Variants in DOCK8 observed in about 807,000 individuals in gnomAD.
DOCK8 encodes dedicator of cytokinesis protein 8.
A neutral mutation model predicts 245.6 loss-of-function variants in DOCK8; 141 were observed. The observed-to-expected ratio is 0.57, with a 90% confidence interval of 0.50 to 0.66. The LOEUF (loss-of-function observed/expected upper bound fraction) is 0.66, where lower values mean the gene tolerates loss of function less well. DOCK8 is among the 30% of genes least tolerant of loss of function. DOCK8 has a pLI of 0.00. For missense variants in DOCK8, 2,965 were observed against 2,603.4 expected (o/e 1.14, Z -3.02); for synonymous variants, 1,168 against 970.2 (o/e 1.20, Z -3.79).
chr9:416,074 G>A (rs1288615060), intron 29 of DOCK8, among the ~76,000 whole-genome samples: 2 of 152,152 alleles, frequency 1.3e-5, no homozygotes, highest in Non-Finnish European at 2.9e-5. Context: ...CTAGCAAACT[G>A]CTAATGGAGT....
chr9:234,293 T>A (rs963153291), intron 1 of DOCK8, among the ~76,000 whole-genome samples: 1 of 152,232 alleles, frequency 6.6e-6, no homozygotes, highest in African/African-American at 2.4e-5. Context: ...CTTCCCTTTG[T>A]GGGTAACCCG....
At chr9:285,726 C>G (rs1586598429) in intron 2 of DOCK8, among the ~76,000 whole-genome samples, 1 of 152,064 alleles carries the variant, frequency 6.6e-6, no homozygotes. Flanking sequence ...CTTTTACTCC[C>G]CCTCTTTCCA....
rs141986056 is a variant in DOCK8 at position 339,115 on chromosome 9, C to G, written c.1516+16C>G. The G allele has an allele frequency of 6.9e-4, 1,114 of 1,606,482 alleles. 5 individuals are homozygous for G. The African/African-American group carries it at 7.4e-3, about 11-fold the overall frequency. On this transcript the variant is annotated intron_variant, in intron 13 of 47. Transcript: ENST00000432829. ...TCAATTCCAGGTGTGAATGACTTAT[C>G]TTTATCCTCTTTAGCTGTGCCAAAA... is the stretch of plus-strand genomic sequence containing the variant.
Position 428,137 on chromosome 9 carries a change from A to G in DOCK8, c.4339-225A>G, listed in dbSNP as rs574980121. On this transcript the variant is annotated intron_variant, in intron 34 of 47. Transcript: ENST00000432829. Reference sequence around the variant, plus strand: ...GCCTTATACCTTCATTTAGGAACCCAGAATTAGGTATAAATCCCAAACTCA... The same window carrying G: ...GCCTTATACCTTCATTTAGGAACCCGGAATTAGGTATAAATCCCAAACTCA... Among the ~76,000 whole-genome samples the G allele has an allele frequency of 2.6e-5, 4 of 152,352 alleles. No individual in the cohort carries two copies. In the East Asian group the frequency reaches 7.7e-4, roughly 29 times the overall value.
chr9:409,567 T>G (rs1459579259), intron 28 of DOCK8, among the ~76,000 whole-genome samples: 1 of 152,230 alleles, frequency 6.6e-6, no homozygotes, highest in African/African-American at 2.4e-5. Flanking sequence ...GTATATATTT[T>G]TTAAATCTGG....
At chr9:213,164 T>C (rs1033605788), upstream of DOCK8, 1 of 152,216 alleles carries the variant, frequency 6.6e-6, no homozygotes. Flanking sequence ...TAGTCTATTG[T>C]AGTCTATGCA....
At chr9:385,392 G>A (rs1321621413) in intron 22 of DOCK8, among the ~76,000 whole-genome samples, 1 of 152,170 alleles carries the variant, frequency 6.6e-6, no homozygotes, top group Non-Finnish European at 1.5e-5. Context: ...TACTACCTTT[G>A]TAACTTCTCT....
chr9:418,004 T>G, intron 29 of DOCK8, 64 bp from the exon 30 acceptor site: 1 of 1,609,098 alleles, frequency 6.2e-7, no homozygotes, highest in Non-Finnish European at 8.5e-7. Flanking sequence ...AGTCTCTTAT[T>G]GGGTAGGGGA....
At chr9:418,882 G>A (rs2056150701) in intron 30 of DOCK8, among the ~76,000 whole-genome samples, 1 of 144,388 alleles carries the variant, frequency 6.9e-6, no homozygotes, top group Non-Finnish European at 1.5e-5. Context: ...ACAGTGTAAT[G>A]CCTCCAAAAA....
rs2046704095 is a variant in DOCK8 at position 214,940 on chromosome 9, C to T, written c.-37C>T. 15 of 1,604,516 alleles carry T rather than the reference C, an allele frequency of 9.3e-6. No individual in the cohort carries two copies. The South Asian group carries it at 1.0e-4, about 11-fold the overall frequency. On this transcript the variant is annotated 5_prime_UTR_variant, in exon 1 of 48. Transcript: ENST00000432829. The stretch of plus-strand genomic sequence containing the variant: ...CGCGCCAGGCCCCCGCTTTCCGCAC[C>T]CCGCGACCCTAGAAGCCACCGAACC...
At chr9:243,618 T>G (rs939478414) in intron 1 of DOCK8, among the ~76,000 whole-genome samples, 14 of 152,128 alleles carry the variant, frequency 9.2e-5, no homozygotes, top group African/African-American at 3.1e-4. Flanking sequence ...GGGCTCCAAT[T>G]TGGACCACTG....
chr9:304,708 T>C lies in DOCK8; in HGVS notation c.528+4T>C. The C allele has an allele frequency of 6.2e-7, 1 of 1,614,166 alleles. No individual in the cohort carries two copies. Among genetic ancestry groups the C allele is most frequent in the Non-Finnish European group, 8.5e-7 (1 of 1,180,014 alleles). ...GTGCAGTGAACCCGCTGCTCAGGTA[T>C]TTCCTGTCAACAAACATGGTTACCA... On this transcript the variant is annotated splice_donor_region_variant and intron_variant, in intron 5 of 47. Transcript: ENST00000432829.
intron 47 of DOCK8, 81 bp from the exon 48 acceptor site, chr9:464,078 C>A: frequency 9.0e-6 from 11 of 1,220,672 alleles, no homozygotes; most frequent in Non-Finnish European, 1.2e-5. Context: ...CCACCCCCAA[C>A]CCTTTCTAAA....
intron 27 of DOCK8, among the ~76,000 whole-genome samples, chr9:406,501 A>C (rs1214681249): frequency 1.6e-5 from 2 of 126,860 alleles, no homozygotes; most frequent in Non-Finnish European, 1.8e-5. Context: ...AAAAAAAAAA[A>C]AAAAAAAAAG....
intron 2 of DOCK8, among the ~76,000 whole-genome samples, chr9:275,719 G>C (rs771826000): frequency 3.3e-5 from 5 of 151,972 alleles, no homozygotes; most frequent in Admixed American, 1.3e-4. Flanking sequence ...CTCCCCAGTA[G>C]CTAGGAATAC....
At chr9:428,999 G>C (rs755891943) in intron 35 of DOCK8, among the ~76,000 whole-genome samples, 1 of 151,894 alleles carries the variant, frequency 6.6e-6, no homozygotes, top group African/African-American at 2.4e-5. Context: ...ACTGAGTCTC[G>C]CTCTATCGCC....
At chr9:400,186 T>A (rs1198933009) in intron 26 of DOCK8, among the ~76,000 whole-genome samples, 23 of 57,500 alleles carry the variant, frequency 4.0e-4, no homozygotes, top group Non-Finnish European at 6.3e-4. Flanking sequence ...CACCACCTCC[T>A]TCACCATCAC....
At chr9:325,766 A>C (rs767420647) in intron 8 of DOCK8, 29 bp downstream of exon 8, 2 of 1,565,972 alleles carry the variant, frequency 1.3e-6, no homozygotes, top group African/African-American at 1.4e-5. Context: ...ATCCATCCCT[A>C]AGGCACATAT....
intron 1 of DOCK8, among the ~76,000 whole-genome samples, chr9:241,716 C>A (rs1380110932): frequency 2.0e-5 from 3 of 152,300 alleles, no homozygotes; most frequent in East Asian, 1.9e-4. Context: ...ATATAATAAT[C>A]TTTTCCTTTG....
Sources: gnomAD v4.1 joint callset for allele counts (sites outside exome capture counted in the v4.1 genomes callset) on GRCh38, gnomAD v4.1.1 for gene constraint, MANE v1.5 for transcripts, NCBI Gene and HGNC (gene_info 2026-07-23, HGNC 2026-07-21) for gene names.